Variants in EPOR observed in about 807,000 individuals in gnomAD.
The protein encoded by EPOR is erythropoietin receptor.
A neutral mutation model predicts 34.3 loss-of-function variants in EPOR; 20 were observed. The observed-to-expected ratio is 0.58, with a 90% confidence interval of 0.41 to 0.85. EPOR has a LOEUF of 0.85. EPOR is among the 40% of genes least tolerant of loss of function. The probability of loss-of-function intolerance (pLI) is 0.00; values close to 1 mark genes in which losing one functional copy is unlikely to be tolerated. For missense variants in EPOR, 601 were observed against 672.7 expected (o/e 0.89, Z 1.18); for synonymous variants, 312 against 299.0 (o/e 1.04, Z -0.45).
At chr19:11,379,573 CAAA>C (rs113780625) in intron 6 of EPOR, among the ~76,000 whole-genome samples, 2 of 141,294 alleles carry the variant, frequency 1.4e-5, no homozygotes, top group Non-Finnish European at 3.1e-5. Context: ...GACTCTGTCT[CAAA>C]AAAAAAAAAA....
At chr19:11,382,926 C>T (rs1206997865) in intron 2 of EPOR, 171 bp downstream of exon 2, 1 of 1,538,336 alleles carries the variant, frequency 6.5e-7, no homozygotes, top group Non-Finnish European at 8.7e-7. Context: ...GTTCGCGCCC[C>T]GGCCCATAGA....
chr19:11,381,340 G>T lies in EPOR; in HGVS notation c.586-131C>A. On this transcript the variant is annotated intron_variant, in intron 4 of 7. Transcript: ENST00000222139. This position sits in a 1 kb window ranked among gnomAD's most constrained non-coding sequence, Gnocchi z 5.3. The stretch of plus-strand genomic sequence containing the variant: ...TAGAATTGCAATGGGACCAATAAGA[G>T]TAGGGGGAGGAGCCCAAGAAAGCTC... The T allele has an allele frequency of 2.0e-6, 2 of 1,003,152 alleles. No homozygotes were observed. The highest frequency in any genetic ancestry group is 3.0e-6 in the Non-Finnish European group (2 of 667,008). The allele number at this position is 1,003,152 out of a possible 1,614,324, so 62.1% of individuals were successfully genotyped here.
rs760571532 is a variant in EPOR at position 11,381,221 on chromosome 19, AT to A, written c.586-13del. Reference sequence around the variant, plus strand: ...TCCAGGATCTCCACCTGGGGGCGGAATCAGGGCGAGGGACGCGTAGCAGACA... The same window carrying A: ...TCCAGGATCTCCACCTGGGGGCGGAACAGGGCGAGGGACGCGTAGCAGACA... On this transcript the variant is annotated splice_polypyrimidine_tract_variant and intron_variant, in intron 4 of 7. Coordinates refer to ENST00000222139, the MANE Select transcript of EPOR (RefSeq NM_000121.4). This position sits in a 1 kb window ranked among gnomAD's most constrained non-coding sequence, Gnocchi z 5.3. 1 of 1,548,892 alleles carries A rather than the reference AT, an allele frequency of 6.5e-7. No individual in the cohort carries two copies. Among genetic ancestry groups the A allele is most frequent in the South Asian group, 1.2e-5 (1 of 84,036 alleles).
chr19:11,381,311 G>T lies in EPOR; in HGVS notation c.586-102C>A, dbSNP rs1461366532. 3.7e-6 allele frequency: 5 copies of T among 1,333,616 alleles called. 1 individual carries two copies. The highest frequency in any genetic ancestry group is 5.0e-4 in the Middle Eastern group (2 of 3,966). The allele number at this position is 1,333,616 out of a possible 1,614,324, so 82.6% of individuals were successfully genotyped here. ...GCCAATCAGGGGAAAGGAAAACGGT[G>T]CCCTAGAATTGCAATGGGACCAATA... On this transcript the variant is annotated intron_variant, in intron 4 of 7. Coordinates refer to ENST00000222139, the MANE Select transcript of EPOR (RefSeq NM_000121.4). This position sits in a 1 kb window ranked among gnomAD's most constrained non-coding sequence, Gnocchi z 5.3.
intron 2 of EPOR, chr19:11,382,843 T>C: frequency 6.7e-7 from 1 of 1,484,742 alleles, no homozygotes. Flanking sequence ...TAGTAACGCC[T>C]TACCCTCGAT....
rs1229146571 is a variant in EPOR at position 11,378,200 on chromosome 19, A to T, written c.1311T>A (p.Arg437=). Residue 437 remains arginine, a synonymous_variant, in exon 8 of 8, where the codon CGT becomes CGA. Coordinates refer to ENST00000222139, the MANE Select transcript of EPOR (RefSeq NM_000121.4). This position sits in a 1 kb window ranked among gnomAD's most constrained non-coding sequence, Gnocchi z 5.3. ...GCAGCTCAGGGCACAGTGTCCATGG[A>T]CGCAAGAGCTGGGAGCTGGGGTCCA... ...TILDPSSQLL[R]PWTLCPELPP... The T allele has an allele frequency of 1.9e-6, 3 of 1,614,152 alleles. No individual in the cohort carries two copies. The highest frequency in any genetic ancestry group is 2.5e-6 in the Non-Finnish European group (3 of 1,180,020).
Position 11,381,940 on chromosome 19 carries a change from G to A in EPOR, c.417C>T (p.Ile139=). 1 of 1,614,222 alleles carries A rather than the reference G, an allele frequency of 6.2e-7. No homozygotes were observed. Among genetic ancestry groups the A allele is most frequent in the Non-Finnish European group, 8.5e-7 (1 of 1,180,028 alleles). Reference sequence around the variant, plus strand: ...TCCCAGAGCACTTACCTACTTCATTGATGTGGATGACACGGTGATATCGCG... The same window carrying A: ...TCCCAGAGCACTTACCTACTTCATTAATGTGGATGACACGGTGATATCGCG... The part of the protein sequence containing the change: ...GAPRYHRVIH[I]NEVVLLDAPV... Residue 139 remains isoleucine (I), a synonymous_variant, in exon 3 of 8, where the codon ATC becomes ATT. Transcript: ENST00000222139. The surrounding 1 kb of genome is among the most constrained non-coding windows in gnomAD (Gnocchi z 5.3).
Position 11,378,767 on chromosome 19 carries a change from T to C in EPOR, c.839A>G (p.Gln280Arg), listed in dbSNP as rs1350720670. 6.2e-7 allele frequency: 1 copy of C among 1,614,062 alleles called. No homozygotes were observed. The highest frequency in any genetic ancestry group is 8.5e-7 in the Non-Finnish European group (1 of 1,180,044). ...ALLSHRRALK[Q>R]KIWPGIPSPE... ...GCTCGGGATGCCAGGCCAGATCTTC[T>C]GCTTCAGAGCCCTGTTGAAGCCAAT... The change falls in exon 7 of 8, where the codon CAG becomes CGG. Residue 280 changes from glutamine (Q) to arginine (R), a missense_variant. Physicochemically the swap from Gln to Arg is conservative, Grantham distance 43. Coordinates refer to ENST00000222139, the MANE Select transcript of EPOR (RefSeq NM_000121.4). The surrounding 1 kb of genome is among the most constrained non-coding windows in gnomAD (Gnocchi z 5.3).
Position 11,384,132 on chromosome 19 carries a change from G to C in EPOR, c.76C>G (p.Pro26Ala). The C allele has an allele frequency of 1.3e-6, 2 of 1,550,286 alleles. No homozygotes were observed. Among genetic ancestry groups the C allele is most frequent in the Non-Finnish European group, 1.7e-6 (2 of 1,146,602 alleles). The change falls in exon 1 of 8, where the codon CCC (proline) becomes GCC (alanine). Residue 26 changes from proline (P) to alanine (A), a missense_variant. Coordinates refer to ENST00000222139, the MANE Select transcript of EPOR (RefSeq NM_000121.4). ...CLLLAGAAWA[P>A]PPNLPDPKFE... ...TTGGGGTCCGGGAGGTTAGGCGGGGGCGCCCAGGCGGCCCCAGCGAGCAGG... is the reference window on the plus strand; with the variant it reads ...TTGGGGTCCGGGAGGTTAGGCGGGGCCGCCCAGGCGGCCCCAGCGAGCAGG...
chr19:11,379,661 T>G (rs1968329934), intron 6 of EPOR, among the ~76,000 whole-genome samples: 1 of 151,184 alleles, frequency 6.6e-6, no homozygotes, highest in Non-Finnish European at 1.5e-5. Flanking sequence ...CATCTCAATA[T>G]CTGCCACACC....
intron 6 of EPOR, among the ~76,000 whole-genome samples, chr19:11,380,676 G>A (rs905404796): frequency 2.0e-5 from 3 of 152,242 alleles, no homozygotes; most frequent in African/African-American, 7.2e-5. Flanking sequence ...GATGTAGAAG[G>A]AAAATCAGGT....
rs1265064820 is a variant in EPOR, at chr19:11,377,560, T to A, written c.*424A>T. On this transcript the variant is annotated 3_prime_UTR_variant, in exon 8 of 8. Coordinates refer to ENST00000222139, the MANE Select transcript of EPOR (RefSeq NM_000121.4). ...TGGATGGCTGCCCATTTGAGCTGAGTTAGGAGAGAGAAATCATTTAATGTG... is the reference window on the plus strand; with the variant it reads ...TGGATGGCTGCCCATTTGAGCTGAGATAGGAGAGAGAAATCATTTAATGTG... 1 of 454,732 alleles carries A rather than the reference T, an allele frequency of 2.2e-6. No homozygotes were observed. Among genetic ancestry groups the A allele is most frequent in the East Asian group, 6.9e-5 (1 of 14,422 alleles). 28.2% of individuals were successfully genotyped at this position (454,732 alleles called of 1,614,324 possible). A position where few individuals can be genotyped will look rare whatever the true frequency, so the allele number is the denominator to read the frequency against.
chr19:11,381,380 A>G lies in EPOR; in HGVS notation c.586-171T>C. ...CAAGAAAGCTCAGGGCCAATCAGAGAGAGAGTCTCTGGTACGAAAGGGCGG... is the reference window on the plus strand; with the variant it reads ...CAAGAAAGCTCAGGGCCAATCAGAGGGAGAGTCTCTGGTACGAAAGGGCGG... On this transcript the variant is annotated intron_variant, in intron 4 of 7. Transcript: ENST00000222139. The surrounding 1 kb of genome is among the most constrained non-coding windows in gnomAD (Gnocchi z 5.3). 3 of 763,402 alleles carry G rather than the reference A, an allele frequency of 3.9e-6. No individual in the cohort carries two copies. Among genetic ancestry groups the G allele is most frequent in the African/African-American group, 1.7e-5 (1 of 57,588 alleles). The allele number at this position is 763,402 out of a possible 1,614,324, so 47.3% of individuals were successfully genotyped here. A position where few individuals can be genotyped will look rare whatever the true frequency, so the allele number is the denominator to read the frequency against.
rs1203446102 is a variant in EPOR, at chr19:11,379,701, A to AT, written c.828-924dup. Among the ~76,000 whole-genome samples the AT allele has an allele frequency of 4.6e-3, 663 of 143,424 alleles. 1 individual carries two copies. Among genetic ancestry groups the AT allele is most frequent in the Middle Eastern group, 0.018 (5 of 278 alleles). 94.1% of individuals were successfully genotyped at this position (143,424 alleles called of 152,430 possible). A position where few individuals can be genotyped will look rare whatever the true frequency, so the allele number is the denominator to read the frequency against. On this transcript the variant is annotated intron_variant, in intron 6 of 7. Coordinates refer to ENST00000222139, the MANE Select transcript of EPOR (RefSeq NM_000121.4). ...TACATACCACTCTAGCCATGTGGCA[A>AT]TTTTTTTTTTTTTTTTGAGACGGAG...
At position 11,381,977 on chromosome 19, in the gene EPOR, G is replaced by A. The variant is rs747212364; in HGVS notation, c.380C>T (p.Ala127Val). 1 of 1,614,210 alleles carries A rather than the reference G, an allele frequency of 6.2e-7. No homozygotes were observed. Among genetic ancestry groups the A allele is most frequent in the South Asian group, 1.1e-5 (1 of 91,086 alleles). Residue 127 changes from alanine to valine, a missense_variant, in exon 3 of 8, where the codon GCC (alanine) becomes GTC (valine). Ala to Val is a moderately conservative substitution (Grantham distance 64, BLOSUM62 0). Transcript: ENST00000222139. The surrounding 1 kb of genome is among the most constrained non-coding windows in gnomAD (Gnocchi z 5.3). ...ACGGTGATATCGCGGAGCGCCGGAG[G>A]CTGCTGTGACGCGCAACTCTAGGGG... Reference protein sequence around the residue: ...FVPLELRVTAASGAPRYHRVI... With the variant: ...FVPLELRVTAVSGAPRYHRVI...
chr19:11,379,447 C>T (rs1362556869), intron 6 of EPOR, among the ~76,000 whole-genome samples: 4 of 151,872 alleles, frequency 2.6e-5, no homozygotes, highest in Admixed American at 6.6e-5. Context: ...CGGGCATGCA[C>T]GCCTGTAATC....
At position 11,378,668 on chromosome 19, in the gene EPOR, G is replaced by A. The variant is rs749060498; in HGVS notation, c.915+23C>T. On this transcript the variant is annotated intron_variant, in intron 7 of 7. Transcript: ENST00000222139. The surrounding 1 kb of genome is among the most constrained non-coding windows in gnomAD (Gnocchi z 5.3). ...CAAGAAGCAGGGAAGCCCAGGCACT[G>A]AGGGGACAACCAGGCCACCTACCTG... is the stretch of plus-strand genomic sequence containing the variant. The A allele has an allele frequency of 1.2e-6, 2 of 1,614,166 alleles. No individual in the cohort carries two copies. The highest frequency in any genetic ancestry group is 1.1e-5 in the South Asian group (1 of 91,084).
rs912397802 is a variant in EPOR, at chr19:11,377,656, G to C, written c.*328C>G. ...TGTTATGAGTAGCATTCAGATTGCA[G>C]ATCCAGCTTCTGAATAAGCTCAAGA... is the stretch of plus-strand genomic sequence containing the variant. On this transcript the variant is annotated 3_prime_UTR_variant, in exon 8 of 8. Coordinates refer to ENST00000222139, the MANE Select transcript of EPOR (RefSeq NM_000121.4). The C allele has an allele frequency of 1.3e-4, 69 of 520,620 alleles. No homozygotes were observed. The highest frequency in any genetic ancestry group is 8.3e-4 in the Admixed American group (37 of 44,520). The allele number at this position is 520,620 out of a possible 1,614,324, so 32.3% of individuals were successfully genotyped here. A position where few individuals can be genotyped will look rare whatever the true frequency, so the allele number is the denominator to read the frequency against.
Position 11,378,883 on chromosome 19 carries a change from G to T in EPOR, c.828-105C>A. 2.6e-6 allele frequency: 3 copies of T among 1,147,822 alleles called. No homozygotes were observed. The highest frequency in any genetic ancestry group is 3.8e-6 in the Non-Finnish European group (3 of 783,050). The allele number at this position is 1,147,822 out of a possible 1,614,324, so 71.1% of individuals were successfully genotyped here. A position where few individuals can be genotyped will look rare whatever the true frequency, so the allele number is the denominator to read the frequency against. Reference sequence around the variant, plus strand: ...AGGCACAGATACACTTGGTCCCTGTGATCACAATGGAGGCAGAGGAGTACA... The same window carrying T: ...AGGCACAGATACACTTGGTCCCTGTTATCACAATGGAGGCAGAGGAGTACA... On this transcript the variant is annotated intron_variant, in intron 6 of 7. Coordinates refer to ENST00000222139, the MANE Select transcript of EPOR (RefSeq NM_000121.4). This position sits in a 1 kb window ranked among gnomAD's most constrained non-coding sequence, Gnocchi z 5.3.
Sources: allele counts gnomAD v4.1 joint callset (sites outside exome capture counted in the v4.1 genomes callset), GRCh38; gene constraint gnomAD v4.1.1; non-coding constraint Gnocchi (gnomAD v3.1); transcripts MANE v1.5; gene names NCBI Gene and HGNC (gene_info 2026-07-23, HGNC 2026-07-21).